EDRF1: variants seen among roughly 807,000 people sequenced by gnomAD.
EDRF1 encodes erythroid differentiation regulatory factor 1, also known as erythroid differentiation-related factor 1.
A neutral mutation model predicts 148.7 loss-of-function variants in EDRF1; 69 were observed. The observed-to-expected ratio is 0.46, with a 90% CI of 0.38 to 0.57. The LOEUF is 0.57. Ranked by LOEUF, EDRF1 falls within the 20% of genes least tolerant of loss-of-function variation. The probability of loss-of-function intolerance (pLI) is 0.00; values close to 1 mark genes in which losing one functional copy is unlikely to be tolerated. For missense variants in EDRF1, 1,118 were observed against 1,478.7 expected, an observed-to-expected ratio of 0.76 and a Z score of 4.00; for synonymous variants, 515 against 532.8, an observed-to-expected ratio of 0.97 and a Z score of 0.46.
intron 2 of EDRF1, 98 bp downstream of exon 2, chr10:125,721,510 G>T: frequency 8.9e-7 from 1 of 1,120,074 alleles, no homozygotes; most frequent in South Asian, 1.3e-5. Context: ...TTAACTTGTC[G>T]AGATTTCTCT....
chr10:125,720,597 G>T (rs936266470), intron 1 of EDRF1, among the ~76,000 whole-genome samples: 7 of 152,112 alleles, frequency 4.6e-5, no homozygotes, highest in African/African-American at 1.4e-4. Context: ...ATCACCTGAG[G>T]TCGGGGAGTT....
intron 4 of EDRF1, among the ~76,000 whole-genome samples, chr10:125,724,227 T>G (rs1302774244): frequency 6.6e-6 from 1 of 152,182 alleles, no homozygotes. Flanking sequence ...AGGGACTAGT[T>G]TAATATTTTT....
chr10:125,719,908 C>T lies in EDRF1; in HGVS notation c.101C>T (p.Ser34Phe). 1.2e-6 allele frequency: 2 copies of T among 1,613,086 alleles called. No individual in the cohort carries two copies. The highest frequency in any genetic ancestry group is 1.3e-5 in the African/African-American group (1 of 75,048). Residue 34 changes from serine to phenylalanine, a missense_variant, in exon 1 of 25, where the codon TCT (serine) becomes TTT (phenylalanine). Physicochemically the swap from Ser to Phe is radical, Grantham distance 155. Transcript: ENST00000356792. ...TCCCAGGGAGAATCCGAGGAATCTT[C>T]TGCACAGGTGAGTCCTCCGCGGAGG... ...LLSQGESEES[S>F]AQGSALFLGG...
chr10:125,740,551 C>A lies in EDRF1; in HGVS notation c.2070C>A (p.Leu690=). The change falls in exon 16 of 25, where the codon CTC becomes CTA. Residue 690 remains leucine (L), a synonymous_variant. Transcript: ENST00000356792. The part of the protein sequence containing the change: ...WQHKMKLQLI[L]KSSKAYYVLS... ...ATAAAATGAAACTTCAGCTGATTCT[C>A]AAGTCATCAAAGGCCTATTATGTTT... The A allele has an allele frequency of 6.2e-7, 1 of 1,614,126 alleles. No homozygotes were observed. The highest frequency in any genetic ancestry group is 8.5e-7 in the Non-Finnish European group (1 of 1,180,006).
chr10:125,727,821 G>A (rs1848326392), intron 6 of EDRF1, among the ~76,000 whole-genome samples: 2 of 152,166 alleles, frequency 1.3e-5, no homozygotes, highest in Admixed American at 1.3e-4. Context: ...ATTTCTTAAT[G>A]GCAGTACTAC....
intron 19 of EDRF1, chr10:125,747,207 A>G (rs1313833916): frequency 7.5e-6 from 2 of 266,662 alleles, no homozygotes; most frequent in Non-Finnish European, 1.4e-5. Flanking sequence ...AGTTATATAA[A>G]CTGTAATTTT....
At chr10:125,741,909 G>T (rs1239472876) in intron 17 of EDRF1, among the ~76,000 whole-genome samples, 1 of 151,702 alleles carries the variant, frequency 6.6e-6, no homozygotes, top group Non-Finnish European at 1.5e-5. Flanking sequence ...CCCCAGACTG[G>T]TCTCAAACTC....
intron 19 of EDRF1, chr10:125,747,106 T>TA (rs1300301237): frequency 4.3e-5 from 7 of 164,176 alleles, no homozygotes; most frequent in Admixed American, 1.8e-4. Context: ...GGTTTCAATA[T>TA]AATGGCCATG....
At chr10:125,723,683 G>C in intron 3 of EDRF1, 128 bp from the exon 4 acceptor site, 1 of 1,009,214 alleles carries the variant, frequency 9.9e-7, no homozygotes, top group East Asian at 2.7e-5. Context: ...TTTGTTTAAA[G>C]TTCTATTTGT....
intron 4 of EDRF1, 91 bp from the exon 5 acceptor site, chr10:125,725,227 A>C: frequency 6.7e-7 from 1 of 1,489,834 alleles, no homozygotes; most frequent in South Asian, 1.2e-5. Flanking sequence ...CTATTCAAAA[A>C]ATAATAGGAG....
intron 9 of EDRF1, among the ~76,000 whole-genome samples, chr10:125,730,998 T>C (rs1564735273): frequency 1.3e-5 from 2 of 152,030 alleles, no homozygotes; most frequent in Non-Finnish European, 2.9e-5. Flanking sequence ...ACGCACACAC[T>C]TAGTTGGGCA....
At position 125,753,837 on chromosome 10, in the gene EDRF1, G is replaced by C. The variant is rs1392246290; in HGVS notation, c.3537G>C (p.Lys1179Asn). The C allele has an allele frequency of 5.0e-6, 8 of 1,612,622 alleles. No individual in the cohort carries two copies. Among genetic ancestry groups the C allele is most frequent in the Non-Finnish European group, 5.9e-6 (7 of 1,179,918 alleles). The change falls in exon 24 of 25, where the codon AAG (lysine) becomes AAC (asparagine). Residue 1179 changes from lysine (K) to asparagine (N), a missense_variant. By Grantham distance (94) the Lys-to-Asn change is moderately conservative. Coordinates refer to ENST00000356792, the MANE Select transcript of EDRF1 (RefSeq NM_001202438.2). ...TTAAACTGCTATCTTCAACTAAAAA[G>C]AAAACAAGGTAAATTAAGTGGTTAT... ...QSIKLLSSTK[K>N]KTSNNIEDDT...
chr10:125,729,229 C>T, intron 7 of EDRF1, 125 bp downstream of exon 7: 2 of 1,451,476 alleles, frequency 1.4e-6, no homozygotes, highest in Non-Finnish European at 1.9e-6. Context: ...TTCTAAGCAT[C>T]TTTGTGATCT....
At chr10:125,756,664 A>AT in intron 24 of EDRF1, 2 of 322,530 alleles carry the variant, frequency 6.2e-6, no homozygotes, top group South Asian at 5.1e-5. Context: ...TGACCTCCTT[A>AT]TTACTACAGA....
chr10:125,763,603 A>G lies in EDRF1; in HGVS notation c.*131A>G. The G allele has an allele frequency of 1.9e-6, 2 of 1,039,864 alleles. No homozygotes were observed. The highest frequency in any genetic ancestry group is 3.2e-5 in the African/African-American group (2 of 62,736). The allele number at this position is 1,039,864 out of a possible 1,614,324, so 64.4% of individuals were successfully genotyped here. On this transcript the variant is annotated 3_prime_UTR_variant, in exon 25 of 25. Transcript: ENST00000356792. The surrounding 1 kb of genome is among the most constrained non-coding windows in gnomAD (Gnocchi z 4.3). ...AACAGGTATATCAGTGGAAACACAGAGTTATTTTAAGTGACAGACAAATTA... is the reference window on the plus strand; with the variant it reads ...AACAGGTATATCAGTGGAAACACAGGGTTATTTTAAGTGACAGACAAATTA...
Position 125,763,320 on chromosome 10 carries a change from A to G in EDRF1, c.3565A>G (p.Thr1189Ala), listed in dbSNP as rs1216372442. 2 of 1,613,298 alleles carry G rather than the reference A, an allele frequency of 1.2e-6. No individual in the cohort carries two copies. Among genetic ancestry groups the G allele is most frequent in the South Asian group, 1.1e-5 (1 of 91,076 alleles). ...KKTSNNIEDDTILKTNKHIYS... is the reference protein window; with the variant it reads ...KKTSNNIEDDAILKTNKHIYS... ...CCCTAGCAATAACATCGAAGATGAC[A>G]CAATTCTCAAAACCAACAAGCACAT... Residue 1189 changes from threonine (T) to alanine (A), a missense_variant, in exon 25 of 25, where the codon ACA becomes GCA. Transcript: ENST00000356792. The surrounding 1 kb of genome is among the most constrained non-coding windows in gnomAD (Gnocchi z 4.3).
intron 13 of EDRF1, among the ~76,000 whole-genome samples, chr10:125,736,347 G>A (rs1372804238): frequency 6.6e-6 from 1 of 151,968 alleles, no homozygotes; most frequent in Non-Finnish European, 1.5e-5. Context: ...TACTTTTTTC[G>A]TGACTCTTGT....
At chr10:125,738,068 A>G (rs1334407717) in intron 14 of EDRF1, 79 bp downstream of exon 14, 2 of 1,456,220 alleles carry the variant, frequency 1.4e-6, no homozygotes, top group Non-Finnish European at 1.9e-6. Context: ...GTTGGTATCT[A>G]AATGTTATTC....
rs763707587 is a variant in EDRF1, at chr10:125,763,412, C to G, written c.3657C>G (p.Ile1219Met). Residue 1219 changes from isoleucine (I) to methionine (M), a missense_variant, in exon 25 of 25, where the codon ATC becomes ATG. Ile to Met is a conservative substitution (Grantham distance 10). This residue lies in a region of EDRF1 where 954 missense variants were observed against 1,241.4 expected (regional missense o/e 0.77). Transcript: ENST00000356792. This position sits in a 1 kb window ranked among gnomAD's most constrained non-coding sequence, Gnocchi z 4.3. Reference sequence around the variant, plus strand: ...CTCTTCTGGAAAGAATCAACGTTATCGTCCACCTGCTGGGCCAGCTTGCCG... The same window carrying G: ...CTCTTCTGGAAAGAATCAACGTTATGGTCCACCTGCTGGGCCAGCTTGCCG... ...TATLLERINV[I>M]VHLLGQLAAG... 1 of 1,611,920 alleles carries G rather than the reference C, an allele frequency of 6.2e-7. No individual in the cohort carries two copies. The highest frequency in any genetic ancestry group is 1.1e-5 in the South Asian group (1 of 91,090).
Sources: gnomAD v4.1 joint callset for allele counts (sites outside exome capture counted in the v4.1 genomes callset) on GRCh38, gnomAD v4.1.1 for gene constraint, gnomAD v4.1.1 regional missense constraint, Gnocchi (gnomAD v3.1) non-coding constraint, MANE v1.5 for transcripts, NCBI Gene and HGNC (gene_info 2026-07-23, HGNC 2026-07-21) for gene names.